The following DOCK3 variants were observed in gnomAD, a reference collection of about 807,000 sequenced individuals.
DOCK3 encodes the protein dedicator of cytokinesis 3.
Under a neutral mutation model 265.6 loss-of-function variants are expected in DOCK3, and 60 were observed. That is an observed-to-expected ratio of 0.23 (90% CI 0.18 to 0.28). DOCK3 has a LOEUF of 0.28. Ranked by LOEUF, DOCK3 falls within the 10% of genes least tolerant of loss-of-function variation. The pLI is 1.00. For missense variants in DOCK3, 1,981 were observed against 2,594.3 expected (o/e 0.76, Z 5.14); for synonymous variants, 881 against 938.0 (o/e 0.94, Z 1.11).
intron 1 of DOCK3, among the ~76,000 whole-genome samples, chr3:50,676,162 G>C (rs1313894121): frequency 2.0e-5 from 3 of 152,136 alleles, no homozygotes; most frequent in African/African-American, 7.2e-5. Flanking sequence ...TCCTAAGCTC[G>C]TAATGGAAAA....
Position 51,239,631 on chromosome 3 carries a change from A to G in DOCK3, c.2102+2041A>G, listed in dbSNP as rs555099853. On this transcript the variant is annotated intron_variant, in intron 21 of 52. Transcript: ENST00000266037. ...TAGGCTGTTACTGACTCAAGTTCAC[A>G]GTTTATTATTGGTCTGTTTGGGGAT... Among the ~76,000 whole-genome samples the G allele has an allele frequency of 2.7e-4, 39 of 145,362 alleles. 1 individual carries two copies. The South Asian group carries it at 4.4e-3, about 16-fold the overall frequency.
At chr3:51,035,598 G>T (rs1300059617) in intron 5 of DOCK3, among the ~76,000 whole-genome samples, 2 of 152,082 alleles carry the variant, frequency 1.3e-5, no homozygotes, top group African/African-American at 4.8e-5. Context: ...CTCTGAGTCT[G>T]GGTAAGCTTT....
chr3:51,297,241 ACT>A (rs1282259986), intron 27 of DOCK3, among the ~76,000 whole-genome samples: 1 of 152,040 alleles, frequency 6.6e-6, no homozygotes, highest in East Asian at 1.9e-4. Context: ...AAACTATGAA[ACT>A]CTTGGAAGAA....
rs146272715 is a variant in DOCK3 at position 51,312,259 on chromosome 3, A to C, written c.3093+180A>C. On this transcript the variant is annotated intron_variant, in intron 29 of 52. Coordinates refer to ENST00000266037, the MANE Select transcript of DOCK3 (RefSeq NM_004947.5). The stretch of plus-strand genomic sequence containing the variant: ...GAAGTGTTGGTAGCCAAACTCCATG[A>C]GTATGCTTTCTAGTCCAGAATCAAC... Among the ~76,000 whole-genome samples, 57 of 152,342 alleles carry C rather than the reference A, an allele frequency of 3.7e-4. 1 individual carries two copies. Among genetic ancestry groups the C allele is most frequent in the African/African-American group, 7.7e-4 (32 of 41,580 alleles).
chr3:51,187,362 C>A (rs2087670005), intron 12 of DOCK3, among the ~76,000 whole-genome samples: 1 of 152,174 alleles, frequency 6.6e-6, no homozygotes. Context: ...AGCCTGTACC[C>A]CCATTATATC....
In DOCK3 at chr3:51,270,989, C is replaced by T. The variant is rs770176699; in HGVS notation, c.2530C>T (p.Arg844Cys). ...GTCCATTGCCAGGACAGTGGATAGC[C>T]GCCTGTTTTCTTTCTCAGGTAAATC... is the stretch of plus-strand genomic sequence containing the variant. ...LQSIARTVDS[R>C]LFSFSESRRI... Residue 844 changes from arginine to cysteine, a missense_variant, in exon 24 of 53, where the codon CGC becomes TGC. Physicochemically the swap from Arg to Cys is radical, Grantham distance 180. Around this residue, in one of 4 missense-constraint regions of DOCK3, gnomAD observed 1,357 missense variants for 1,866.8 expected, o/e 0.73. Transcript: ENST00000266037. 23 of 1,612,230 alleles carry T rather than the reference C, an allele frequency of 1.4e-5. No homozygotes were observed. Among genetic ancestry groups the T allele is most frequent in the South Asian group, 2.2e-5 (2 of 90,844 alleles).
rs1223958373 is a variant in DOCK3, at chr3:51,053,080, T to TAG, written c.316-11367_316-11366insGA. On this transcript the variant is annotated intron_variant, in intron 5 of 52. Coordinates refer to ENST00000266037, the MANE Select transcript of DOCK3 (RefSeq NM_004947.5). ...TTTCATCTTTTAAAAAAGTCAAAGA[T>TAG]ATATATATATATATATATATATATA... Among the ~76,000 whole-genome samples the TAG allele has an allele frequency of 3.5e-3, 126 of 35,852 alleles. 3 individuals are homozygous for TAG. Among genetic ancestry groups the TAG allele is most frequent in the Non-Finnish European group, 5.1e-3 (96 of 18,874 alleles). 23.5% of individuals were successfully genotyped at this position (35,852 alleles called of 152,430 possible).
At chr3:51,373,957 G>A (rs1490475974) in intron 49 of DOCK3, among the ~76,000 whole-genome samples, 1 of 152,192 alleles carries the variant, frequency 6.6e-6, no homozygotes, top group Non-Finnish European at 1.5e-5. Context: ...AGGGAGCCAG[G>A]TGAGAACAGG....
At chr3:51,149,836 A>C (rs2085491601) in intron 10 of DOCK3, among the ~76,000 whole-genome samples, 3 of 152,188 alleles carry the variant, frequency 2.0e-5, no homozygotes, top group South Asian at 4.1e-4. Context: ...CTTTGGTATC[A>C]GGATGATGCT....
In DOCK3 at chr3:51,381,567, C is replaced by T. The variant is rs782555178; in HGVS notation, c.*8C>T. The T allele has an allele frequency of 8.0e-6, 12 of 1,499,650 alleles. No homozygotes were observed. The Admixed American group carries it at 9.5e-5, about 12-fold the overall frequency. 92.9% of individuals were successfully genotyped at this position (1,499,650 alleles called of 1,614,324 possible). ...GGCCGAGGGGAGCAGTGAGGGGCAA[C>T]GAGGCGGCTGGGATGCCGCCCTCAG... is the stretch of plus-strand genomic sequence containing the variant. On this transcript the variant is annotated 3_prime_UTR_variant, in exon 53 of 53. Coordinates refer to ENST00000266037, the MANE Select transcript of DOCK3 (RefSeq NM_004947.5). This position sits in a 1 kb window ranked among gnomAD's most constrained non-coding sequence, Gnocchi z 5.6.
chr3:50,928,127 TGATA>T (rs1178202946), intron 4 of DOCK3, among the ~76,000 whole-genome samples: 18 of 60,116 alleles, frequency 3.0e-4, no homozygotes, highest in South Asian at 1.3e-3. Context: ...TTTATTGTGA[TGATA>T]TATATATATA....
rs532195215 is a variant in DOCK3 at position 50,975,330 on chromosome 3, A to G, written c.315+41253A>G. Among the ~76,000 whole-genome samples, 215 of 151,298 alleles carry G rather than the reference A, an allele frequency of 1.4e-3. 7 individuals are homozygous for G. The South Asian group carries it at 0.044, about 31-fold the overall frequency. ...AATATGTCCCATCAATACCTAATTT[A>G]TTGAGAGTTTTTAGCATGAAGGGTT... is the stretch of plus-strand genomic sequence containing the variant. On this transcript the variant is annotated intron_variant, in intron 5 of 52. Transcript: ENST00000266037.
At chr3:50,921,482 G>A (rs934741400) in intron 4 of DOCK3, among the ~76,000 whole-genome samples, 1 of 152,124 alleles carries the variant, frequency 6.6e-6, no homozygotes, top group Non-Finnish European at 1.5e-5. Flanking sequence ...GCTTCTTTGC[G>A]ATGCGTTTGA....
chr3:51,032,300 A>G (rs1014560346), intron 5 of DOCK3, among the ~76,000 whole-genome samples: 1 of 152,214 alleles, frequency 6.6e-6, no homozygotes, highest in African/African-American at 2.4e-5. Flanking sequence ...TAGTAAGAAT[A>G]TGATTTAGTC....
intron 4 of DOCK3, among the ~76,000 whole-genome samples, chr3:50,928,154 T>A (rs867367116): frequency 1.8e-4 from 25 of 138,684 alleles, no homozygotes; most frequent in Middle Eastern, 3.8e-3. Flanking sequence ...TATATATATA[T>A]AATAAAGTTT....
chr3:51,239,771 ATTTGTATTTCTGTGGGG>A (rs1421485424), intron 21 of DOCK3, among the ~76,000 whole-genome samples: 1 of 151,542 alleles, frequency 6.6e-6, no homozygotes, highest in African/African-American at 2.4e-5. Context: ...TCTGATGGTT[ATTTGTATTTCTGTGGGG>A]TCAAAGGGAA....
chr3:50,695,744 G>A (rs932150699), intron 1 of DOCK3, among the ~76,000 whole-genome samples: 2 of 152,212 alleles, frequency 1.3e-5, no homozygotes, highest in African/African-American at 2.4e-5. Flanking sequence ...GTCACTCAGT[G>A]CTCCTGGGGG....
At chr3:50,948,021 A>AATTATCATTATTATT (rs1425455436) in intron 5 of DOCK3, among the ~76,000 whole-genome samples, 1 of 120,334 alleles carries the variant, frequency 8.3e-6, no homozygotes, top group Non-Finnish European at 1.7e-5. Context: ...ACGCCCAGCT[A>AATTATCATTATTATT]ATTATTATTA....
intron 9 of DOCK3, among the ~76,000 whole-genome samples, chr3:51,100,483 A>G (rs566278245): frequency 1.3e-4 from 20 of 152,204 alleles, no homozygotes; most frequent in African/African-American, 4.1e-4. Flanking sequence ...GGGAATCTCA[A>G]ATTCTATGTA....
Sources: gnomAD v4.1 joint callset for allele counts (sites outside exome capture counted in the v4.1 genomes callset) on GRCh38, gnomAD v4.1.1 for gene constraint, gnomAD v4.1.1 regional missense constraint, Gnocchi (gnomAD v3.1) non-coding constraint, MANE v1.5 for transcripts, NCBI Gene and HGNC (gene_info 2026-07-23, HGNC 2026-07-21) for gene names.